The following SUPT3H variants were observed in gnomAD, a reference collection of about 807,000 sequenced individuals.
The protein encoded by SUPT3H is transcription initiation protein SPT3 homolog.
A neutral mutation model predicts 44.3 loss-of-function variants in SUPT3H; 44 were observed. The observed-to-expected ratio is 0.99, with a 90% confidence interval of 0.78 to 1.28. SUPT3H has a LOEUF of 1.28. Among genes scored for constraint, SUPT3H ranks in the 50% most tolerant of loss-of-function variants. The pLI is 0.00. For missense variants in SUPT3H, 380 were observed against 387.1 expected, an observed-to-expected ratio of 0.98 and a Z score of 0.15; for synonymous variants, 124 against 125.6, an observed-to-expected ratio of 0.99 and a Z score of 0.09.
At chr6:45,206,985 T>C (rs1218326692) in intron 2 of SUPT3H, among the ~76,000 whole-genome samples, 1 of 151,878 alleles carries the variant, frequency 6.6e-6, no homozygotes, top group Non-Finnish European at 1.5e-5. Flanking sequence ...TCAGAAACAG[T>C]TGGGTATATG....
chr6:44,931,415 C>T (rs1171258073), intron 10 of SUPT3H, among the ~76,000 whole-genome samples: 1 of 151,660 alleles, frequency 6.6e-6, no homozygotes, highest in Non-Finnish European at 1.5e-5. Flanking sequence ...TTCTTACTTC[C>T]AATTATCTCT....
chr6:45,180,058 T>C lies in SUPT3H; in HGVS notation c.102-74052A>G, dbSNP rs2153612615. On this transcript the variant is annotated intron_variant, in intron 2 of 10. Transcript: ENST00000371459. ...ATTAATGTACAAAAATCACAAGCAT[T>C]CTTATACACCAATAACAGACAAACA... 1.3e-5 allele frequency among the ~76,000 whole-genome samples: 2 copies of C among 150,394 alleles called. 1 individual carries two copies. The highest frequency in any genetic ancestry group is 6.9e-3 in the Middle Eastern group (2 of 290).
At chr6:45,356,355 T>C (rs1349000346) in intron 2 of SUPT3H, among the ~76,000 whole-genome samples, 2 of 152,102 alleles carry the variant, frequency 1.3e-5, no homozygotes, top group African/African-American at 2.4e-5. Flanking sequence ...TGTTAATATA[T>C]GTTAACATCT....
At position 45,262,612 on chromosome 6, in the gene SUPT3H, C is replaced by T. The variant is rs572598462; in HGVS notation, c.101+102589G>A. Among the ~76,000 whole-genome samples the T allele has an allele frequency of 1.2e-4, 18 of 152,136 alleles. No homozygotes were observed. In the South Asian group the frequency reaches 3.7e-3, roughly 32 times the overall value. ...ACATCAACCTTAGCACAGTTTATGG[C>T]CAAGTCCCCTAAAGCAATTGCAACA... On this transcript the variant is annotated intron_variant, in intron 2 of 10. Coordinates refer to ENST00000371459, the MANE Select transcript of SUPT3H (RefSeq NM_003599.4).
At chr6:45,351,219 T>C (rs933958393) in intron 2 of SUPT3H, among the ~76,000 whole-genome samples, 23 of 152,062 alleles carry the variant, frequency 1.5e-4, no homozygotes, top group South Asian at 4.1e-4. Context: ...TGCTCTAAAT[T>C]AGTGAAAACA....
chr6:44,928,182 C>T (rs1769836148), intron 10 of SUPT3H, among the ~76,000 whole-genome samples: 1 of 152,058 alleles, frequency 6.6e-6, no homozygotes. Flanking sequence ...AGTTCTTAAT[C>T]ACCACACAAT....
chr6:44,930,063 C>T (rs923602571), intron 10 of SUPT3H, among the ~76,000 whole-genome samples: 16 of 151,988 alleles, frequency 1.1e-4, no homozygotes, highest in Admixed American at 1.0e-3. Context: ...GCCTGGCCAA[C>T]ATGGCGAAGT....
At chr6:44,881,515 A>G (rs1316527649) in intron 10 of SUPT3H, among the ~76,000 whole-genome samples, 2 of 152,204 alleles carry the variant, frequency 1.3e-5, no homozygotes, top group Non-Finnish European at 2.9e-5. Flanking sequence ...CAGGACTTGA[A>G]CTCAGCTCTG....
At chr6:45,062,736 T>C (rs1166962549) in intron 3 of SUPT3H, among the ~76,000 whole-genome samples, 2 of 152,060 alleles carry the variant, frequency 1.3e-5, no homozygotes, top group African/African-American at 4.8e-5. Flanking sequence ...CCCACCCGAA[T>C]ATTGCGCTTT....
chr6:45,071,645 C>T (rs1794402226), intron 3 of SUPT3H, among the ~76,000 whole-genome samples: 1 of 152,132 alleles, frequency 6.6e-6, no homozygotes, highest in Non-Finnish European at 1.5e-5. Flanking sequence ...AGGGTGCACT[C>T]CAGTTTTCTT....
At chr6:44,920,129 C>T (rs1461004923) in intron 10 of SUPT3H, among the ~76,000 whole-genome samples, 3 of 152,276 alleles carry the variant, frequency 2.0e-5, no homozygotes, top group East Asian at 1.9e-4. Context: ...CCACCCACCT[C>T]GGCCTCCCAA....
At chr6:45,363,328 T>G (rs1421547766) in intron 2 of SUPT3H, among the ~76,000 whole-genome samples, 1 of 152,206 alleles carries the variant, frequency 6.6e-6, no homozygotes, top group African/African-American at 2.4e-5. Flanking sequence ...GTATATTGTT[T>G]TAATAAATAC....
chr6:45,027,485 A>AT (rs1030117356), intron 3 of SUPT3H, among the ~76,000 whole-genome samples: 32 of 151,960 alleles, frequency 2.1e-4, no homozygotes, highest in African/African-American at 7.0e-4. Context: ...TCCATTGACT[A>AT]TTTTTTCTTG....
At chr6:45,343,566 T>C (rs938184128) in intron 2 of SUPT3H, among the ~76,000 whole-genome samples, 5 of 152,198 alleles carry the variant, frequency 3.3e-5, no homozygotes, top group African/African-American at 1.2e-4. Context: ...AGGTCCTATG[T>C]ACATAACTCT....
At chr6:44,908,160 T>C (rs1302202901) in intron 10 of SUPT3H, among the ~76,000 whole-genome samples, 1 of 150,744 alleles carries the variant, frequency 6.6e-6, no homozygotes, top group Non-Finnish European at 1.5e-5. Flanking sequence ...TTTTCTTTTT[T>C]TTTTTTTTTG....
intron 2 of SUPT3H, among the ~76,000 whole-genome samples, chr6:45,192,425 A>C (rs1815296419): frequency 6.6e-6 from 1 of 152,172 alleles, no homozygotes; most frequent in Non-Finnish European, 1.5e-5. Flanking sequence ...TTGGGATCAG[A>C]TGAAAATGAA....
intron 2 of SUPT3H, among the ~76,000 whole-genome samples, chr6:45,332,445 C>T (rs759985445): frequency 5.9e-5 from 9 of 151,824 alleles, no homozygotes; most frequent in Non-Finnish European, 1.2e-4. Flanking sequence ...ATTAATGATG[C>T]ACCCGTGCAT....
intron 2 of SUPT3H, among the ~76,000 whole-genome samples, chr6:45,360,444 GA>G (rs1309398058): frequency 6.6e-6 from 1 of 152,056 alleles, no homozygotes; most frequent in Non-Finnish European, 1.5e-5. Context: ...CCAGTTTCCT[GA>G]AAAACTTAAA....
intron 2 of SUPT3H, among the ~76,000 whole-genome samples, chr6:45,185,147 T>C (rs987151782): frequency 6.6e-6 from 1 of 152,094 alleles, no homozygotes; most frequent in African/African-American, 2.4e-5. Flanking sequence ...AACTGATTAG[T>C]GTCTACAGGG....
Sources: gnomAD v4.1 joint callset for allele counts (sites outside exome capture counted in the v4.1 genomes callset) on GRCh38, gnomAD v4.1.1 for gene constraint, MANE v1.5 for transcripts, NCBI Gene and HGNC (gene_info 2026-07-23, HGNC 2026-07-21) for gene names.